Variants in NHSL1 observed in about 807,000 individuals in gnomAD.
NHSL1 encodes NHS like 1, also known as NHS-like protein 1.
NHSL1 carries 48 observed loss-of-function variants against 95.0 expected under a neutral mutation model. The observed-to-expected ratio is 0.51, with a 90% confidence interval of 0.40 to 0.64. The LOEUF (loss-of-function observed/expected upper bound fraction) is 0.64, where lower values mean the gene tolerates loss of function less well. NHSL1 is among the 30% of genes least tolerant of loss of function. The pLI is 0.00. For missense variants in NHSL1, 1,971 were observed against 2,077.7 expected (o/e 0.95, Z 1.00); for synonymous variants, 783 against 833.9 (o/e 0.94, Z 1.05).
At chr6:138,509,532 C>T (rs1288662337) in intron 1 of NHSL1, among the ~76,000 whole-genome samples, 1 of 152,098 alleles carries the variant, frequency 6.6e-6, no homozygotes. Flanking sequence ...ATAAAGACTA[C>T]CAGGAGAAAC....
rs185318801 is a variant in NHSL1 at position 138,512,449 on chromosome 6, C to T, written c.17-16078G>A. 2.2e-4 allele frequency: 77 copies of T among 354,892 alleles called. 1 individual carries two copies. Among genetic ancestry groups the T allele is most frequent in the Admixed American group, 2.1e-3 (59 of 27,738 alleles). 22.0% of individuals were successfully genotyped at this position (354,892 alleles called of 1,614,324 possible). A position where few individuals can be genotyped will look rare whatever the true frequency, so the allele number is the denominator to read the frequency against. Reference sequence around the variant, plus strand: ...GCTCAGTAACCTCCCTCTTCTTCTTCGTTAATACAATTCTAACTGCTCGTC... The same window carrying T: ...GCTCAGTAACCTCCCTCTTCTTCTTTGTTAATACAATTCTAACTGCTCGTC... On this transcript the variant is annotated intron_variant, in intron 1 of 4. Transcript: ENST00000342260.
At chr6:138,688,547 G>C (rs1785618096) in intron 1 of NHSL1, among the ~76,000 whole-genome samples, 1 of 152,080 alleles carries the variant, frequency 6.6e-6, no homozygotes, top group Non-Finnish European at 1.5e-5. Context: ...AGGAGGATGA[G>C]GCAGGGAATT....
upstream of NHSL1, among the ~76,000 whole-genome samples, chr6:138,573,332 C>T (rs1478250328): frequency 1.3e-5 from 2 of 152,268 alleles, no homozygotes; most frequent in African/African-American, 2.4e-5. Flanking sequence ...AGACTTGGGT[C>T]GGCATCTCCT....
intron 1 of NHSL1, among the ~76,000 whole-genome samples, chr6:138,671,970 A>G (rs1002511346): frequency 2.6e-5 from 4 of 152,204 alleles, no homozygotes; most frequent in African/African-American, 9.6e-5. Flanking sequence ...GAAGGAAAAA[A>G]GGGCTAAATC....
intron 1 of NHSL1, among the ~76,000 whole-genome samples, chr6:138,597,211 A>G (rs1784313801): frequency 1.3e-5 from 2 of 152,144 alleles, no homozygotes; most frequent in Admixed American, 1.3e-4. Context: ...AGAATACAAA[A>G]GCCTAATTCA....
In NHSL1 at chr6:138,460,709, T is replaced by A. The variant is rs139364879; in HGVS notation, c.339+12597A>T. 1.2e-3 allele frequency among the ~76,000 whole-genome samples: 177 copies of A among 152,084 alleles called. 1 individual carries two copies. Among genetic ancestry groups the A allele is most frequent in the African/African-American group, 4.1e-3 (169 of 41,500 alleles). On this transcript the variant is annotated intron_variant, in intron 3 of 7. Coordinates refer to ENST00000343505, the MANE Select transcript of NHSL1 (RefSeq NM_001144060.2). ...ATGGATACTGAGGGATTACTGTATA[T>A]AATTTTTATTCCTAATCATAAAATT...
rs538514316 is a variant in NHSL1 at position 138,669,904 on chromosome 6, C to T, written c.96+22572G>A. ...GGGAGGCCAAGGTGGGTGGATCACC[C>T]GAGGTCAGGAGTTTGAGACCAGCAT... On this transcript the variant is annotated intron_variant, in intron 1 of 3. Transcript: ENST00000491526. 1.5e-4 allele frequency among the ~76,000 whole-genome samples: 23 copies of T among 151,858 alleles called. No individual in the cohort carries two copies. In the South Asian group the frequency reaches 4.4e-3, roughly 29 times the overall value.
intron 3 of NHSL1, among the ~76,000 whole-genome samples, chr6:138,461,703 G>A (rs1778008624): frequency 6.6e-6 from 1 of 152,190 alleles, no homozygotes; most frequent in Admixed American, 6.5e-5. Context: ...AGTGGAGATG[G>A]CAAGTCTAGA....
At chr6:138,612,170 G>GT (rs374815203) in intron 1 of NHSL1, among the ~76,000 whole-genome samples, 156 of 151,808 alleles carry the variant, frequency 1.0e-3, no homozygotes, top group African/African-American at 3.6e-3. Flanking sequence ...TGATGGGAGG[G>GT]TATATTAGTA....
At position 138,430,669 on chromosome 6, in the gene NHSL1, C is replaced by A; in HGVS notation, c.3676G>T (p.Ala1226Ser). 6.4e-7 allele frequency: 1 copy of A among 1,551,658 alleles called. No homozygotes were observed. The highest frequency in any genetic ancestry group is 1.2e-5 in the South Asian group (1 of 84,060). The stretch of plus-strand genomic sequence containing the variant: ...TCTCCCGTCGTGGGGCTGGGCACAG[C>A]TCGGAGGGCTTCGCTCACGTTCTCT... The part of the protein sequence containing the change: ...PAENVSEALR[A>S]VPSPTTGEEG... The change falls in exon 6 of 8, where the codon GCT (alanine) becomes TCT (serine). Residue 1226 changes from alanine (A) to serine (S), a missense_variant. Ala to Ser is a moderately conservative substitution (Grantham distance 99, BLOSUM62 1). Coordinates refer to ENST00000343505, the MANE Select transcript of NHSL1 (RefSeq NM_001144060.2). The surrounding 1 kb of genome is among the most constrained non-coding windows in gnomAD (Gnocchi z 4.7).
intron 2 of NHSL1, 51 bp downstream of exon 2, chr6:138,496,168 C>T: frequency 1.3e-6 from 2 of 1,537,708 alleles, no homozygotes; most frequent in South Asian, 1.2e-5. Context: ...AATTTATGCT[C>T]TCAGCAGCCA....
chr6:138,530,985 TA>T (rs913575296), intron 1 of NHSL1, among the ~76,000 whole-genome samples: 1 of 150,702 alleles, frequency 6.6e-6, no homozygotes, highest in African/African-American at 2.5e-5. Flanking sequence ...ATTTTTTTTT[TA>T]AAAAAAAGGC....
chr6:138,525,116 G>A (rs1781843259), intron 1 of NHSL1, among the ~76,000 whole-genome samples: 1 of 152,066 alleles, frequency 6.6e-6, no homozygotes, highest in South Asian at 2.1e-4. Context: ...TAATGTCTCT[G>A]GGCGTTGGAT....
intron 2 of NHSL1, among the ~76,000 whole-genome samples, chr6:138,495,435 A>G (rs1276863439): frequency 6.6e-6 from 1 of 152,232 alleles, no homozygotes; most frequent in East Asian, 1.9e-4. Context: ...ATGTCTTCAA[A>G]GTCTATACAT....
chr6:138,466,142 C>T (rs968901424), intron 3 of NHSL1, among the ~76,000 whole-genome samples: 1 of 151,816 alleles, frequency 6.6e-6, no homozygotes, highest in Non-Finnish European at 1.5e-5. Flanking sequence ...CGGGTTCACG[C>T]CATCCTCCTG....
chr6:138,437,419 C>CATATATATATATAT (rs1562270741), intron 5 of NHSL1, among the ~76,000 whole-genome samples: 18 of 30,918 alleles, frequency 5.8e-4, no homozygotes, highest in African/African-American at 2.5e-3. Context: ...CATATACACA[C>CATATATATATATAT]ACACACACAC....
At position 138,430,863 on chromosome 6, in the gene NHSL1, C is replaced by T. The variant is rs1330123882; in HGVS notation, c.3482G>A (p.Ser1161Asn). 2 of 1,551,002 alleles carry T rather than the reference C, an allele frequency of 1.3e-6. No individual in the cohort carries two copies. The highest frequency in any genetic ancestry group is 1.4e-5 in the African/African-American group (1 of 73,062). ...AGCGCTTGGAGCTCCAGGGCTGCGG[C>T]TCACAGGGCCACCACGCTCAGCCGC... ...GSAAERGGPV[S>N]RSPGAPSAGE... is the part of the protein sequence containing the mutation. Residue 1161 changes from serine to asparagine, a missense_variant, in exon 6 of 8, where the codon AGC (serine) becomes AAC (asparagine). Physicochemically the swap from Ser to Asn is conservative, Grantham distance 46. Coordinates refer to ENST00000343505, the MANE Select transcript of NHSL1 (RefSeq NM_001144060.2). The surrounding 1 kb of genome is among the most constrained non-coding windows in gnomAD (Gnocchi z 4.7).
intron 1 of NHSL1, among the ~76,000 whole-genome samples, chr6:138,666,411 G>A (rs1785295363): frequency 6.6e-6 from 1 of 152,026 alleles, no homozygotes; most frequent in Non-Finnish European, 1.5e-5. Flanking sequence ...CTAACACGGT[G>A]AAACCCCGTC....
intron 1 of NHSL1, among the ~76,000 whole-genome samples, chr6:138,614,408 C>A (rs1444560794): frequency 6.6e-6 from 1 of 152,180 alleles, no homozygotes; most frequent in South Asian, 2.1e-4. Flanking sequence ...TACTTTTGAA[C>A]TTCTCATTAC....
Sources: allele counts gnomAD v4.1 joint callset (sites outside exome capture counted in the v4.1 genomes callset), GRCh38; gene constraint gnomAD v4.1.1; non-coding constraint Gnocchi (gnomAD v3.1); transcripts MANE v1.5; gene names NCBI Gene and HGNC (gene_info 2026-07-23, HGNC 2026-07-21).